The following MIOS variants were observed in gnomAD, a reference collection of about 807,000 sequenced individuals.
The protein encoded by MIOS is GATOR2 complex protein MIOS.
Under a neutral mutation model 96.9 loss-of-function variants are expected in MIOS, and 52 were observed. The observed-to-expected ratio is 0.54, with a 90% CI of 0.43 to 0.68. The LOEUF is 0.68. Among genes scored for constraint, MIOS ranks in the 30% least tolerant of loss-of-function variants. The pLI is 0.00. For missense variants in MIOS, 1,005 were observed against 1,052.8 expected (o/e 0.95, Z 0.63); for synonymous variants, 397 against 359.5 (o/e 1.10, Z -1.18).
In MIOS at chr7:7,595,010, A is replaced by G; in HGVS notation, c.2074A>G (p.Arg692Gly). 6.2e-7 allele frequency: 1 copy of G among 1,607,206 alleles called. No individual in the cohort carries two copies. Among genetic ancestry groups the G allele is most frequent in the Non-Finnish European group, 8.5e-7 (1 of 1,177,802 alleles). ...ACCTTTAGATGTTCTTAAAGATGAA[A>G]GGGTTCAGTACTGGATTGAGAATTA... Reference protein sequence around the residue: ...GSPLDVLKDERVQYWIENYRN... With the variant: ...GSPLDVLKDEGVQYWIENYRN... The change falls in exon 10 of 13, where the codon AGG (arginine) becomes GGG (glycine). Residue 692 changes from arginine to glycine, a missense_variant. Coordinates refer to ENST00000340080, the MANE Select transcript of MIOS (RefSeq NM_019005.4).
intron 5 of MIOS, among the ~76,000 whole-genome samples, chr7:7,580,170 C>T (rs1783666344): frequency 6.6e-6 from 1 of 152,176 alleles, no homozygotes; most frequent in African/African-American, 2.4e-5. Context: ...GCATTCTGCC[C>T]TGACAATTTA....
At chr7:7,584,301 A>G (rs570680638) in intron 6 of MIOS, among the ~76,000 whole-genome samples, 84 of 152,300 alleles carry the variant, frequency 5.5e-4, no homozygotes, top group Non-Finnish European at 9.7e-4. Context: ...GATGATGGAA[A>G]AAAGAATTGA....
chr7:7,601,851 A>G (rs1019623344), intron 11 of MIOS, among the ~76,000 whole-genome samples: 11 of 152,134 alleles, frequency 7.2e-5, no homozygotes, highest in African/African-American at 2.2e-4. Flanking sequence ...AAATCCAGCA[A>G]CACATCAAAA....
rs548448444 is a variant in MIOS at position 7,583,356 on chromosome 7, G to A, written c.1632G>A (p.Gly544=). ...GAGCAATCCAAATCCTGAATGAAGG[G>A]GCATCTTCTGAAAAAGGTATTAGGT... is the stretch of plus-strand genomic sequence containing the variant. ...IRRAIQILNE[G]ASSEKGDLNL... The change falls in exon 6 of 13, where the codon GGG becomes GGA. Residue 544 remains glycine (G), a synonymous_variant. Transcript: ENST00000340080. 199 of 1,603,896 alleles carry A rather than the reference G, an allele frequency of 1.2e-4. No homozygotes were observed. Among genetic ancestry groups the A allele is most frequent in the Non-Finnish European group, 2.6e-6 (3 of 1,173,986 alleles).
At chr7:7,603,662 C>A (rs1292211429) in intron 11 of MIOS, among the ~76,000 whole-genome samples, 1 of 152,162 alleles carries the variant, frequency 6.6e-6, no homozygotes. Flanking sequence ...GGCGATTCCT[C>A]AGGGATCTAG....
intron 11 of MIOS, chr7:7,605,592 G>GC (rs1425793331): frequency 5.4e-6 from 1 of 185,530 alleles, no homozygotes; most frequent in African/African-American, 2.4e-5. Context: ...ATCACACCCA[G>GC]CCCTACCTGT....
chr7:7,601,813 A>G (rs1333435589), intron 11 of MIOS, among the ~76,000 whole-genome samples: 4 of 152,222 alleles, frequency 2.6e-5, no homozygotes, highest in Non-Finnish European at 4.4e-5. Context: ...CATTGATGCA[A>G]AAATCCTCAA....
chr7:7,585,373 CTT>C (rs1783851129), intron 6 of MIOS, among the ~76,000 whole-genome samples: 1 of 148,134 alleles, frequency 6.8e-6, no homozygotes, highest in Non-Finnish European at 1.5e-5. Context: ...TGCTTATTGT[CTT>C]TGCCAAATTT....
At chr7:7,580,603 A>G (rs1459704020) in intron 5 of MIOS, among the ~76,000 whole-genome samples, 2 of 152,166 alleles carry the variant, frequency 1.3e-5, no homozygotes, top group East Asian at 3.8e-4. Context: ...TAGACTTGCC[A>G]CAGCCTAAAA....
At position 7,605,480 on chromosome 7, in the gene MIOS, A is replaced by AGACG. The variant is rs538418540; in HGVS notation, c.2402-459_2402-456dup. ...CGGCCAATTTTTGTATTTTTAACAG[A>AGACG]GACGGAGTTTCACCATGTTGGCCAG... On this transcript the variant is annotated intron_variant, in intron 11 of 12. Coordinates refer to ENST00000340080, the MANE Select transcript of MIOS (RefSeq NM_019005.4). 270 of 152,806 alleles carry AGACG rather than the reference A, an allele frequency of 1.8e-3. 1 individual carries two copies. The highest frequency in any genetic ancestry group is 3.3e-3 in the Non-Finnish European group (224 of 68,452). 9.5% of individuals were successfully genotyped at this position (152,806 alleles called of 1,614,324 possible).
At position 7,573,828 on chromosome 7, in the gene MIOS, G is replaced by T; in HGVS notation, c.1294+59G>T. 6.9e-7 allele frequency: 1 copy of T among 1,453,448 alleles called. No homozygotes were observed. Among genetic ancestry groups the T allele is most frequent in the South Asian group, 1.4e-5 (1 of 72,426 alleles). The allele number at this position is 1,453,448 out of a possible 1,614,324, so 90.0% of individuals were successfully genotyped here. ...TCAGGTAGAAATGTTCTTGAAGTTT[G>T]CCAAAAGGTCAGTCTGTAAATATGC... On this transcript the variant is annotated intron_variant, in intron 4 of 12. Coordinates refer to ENST00000340080, the MANE Select transcript of MIOS (RefSeq NM_019005.4). The surrounding 1 kb of genome is among the most constrained non-coding windows in gnomAD (Gnocchi z 5.0).
chr7:7,589,812 C>G (rs1257039084), intron 9 of MIOS, among the ~76,000 whole-genome samples: 3 of 152,102 alleles, frequency 2.0e-5, no homozygotes, highest in African/African-American at 7.2e-5. Context: ...TTATGTAAAG[C>G]TCAAATTGAA....
chr7:7,581,455 AT>A (rs1306838593), intron 5 of MIOS, among the ~76,000 whole-genome samples: 1 of 152,178 alleles, frequency 6.6e-6, no homozygotes, highest in Non-Finnish European at 1.5e-5. Context: ...ATTTTCATTC[AT>A]TTACTATCTC....
chr7:7,592,584 G>C (rs1251107074), intron 9 of MIOS, among the ~76,000 whole-genome samples: 1 of 151,986 alleles, frequency 6.6e-6, no homozygotes, highest in Non-Finnish European at 1.5e-5. Flanking sequence ...TGGGAGCTCT[G>C]AGGTTATTTT....
intron 7 of MIOS, among the ~76,000 whole-genome samples, chr7:7,587,006 T>TG (rs1449404278): frequency 0.01 from 1,133 of 110,614 alleles, 10 homozygotes; most frequent in African/African-American, 0.035. Flanking sequence ...TTTTTTTTTT[T>TG]TTGTTGTTGT....
Position 7,567,080 on chromosome 7 carries a change from A to G in MIOS, c.-221+8A>G, listed in dbSNP as rs533754257. On this transcript the variant is annotated splice_region_variant and intron_variant, in intron 1 of 12. Transcript: ENST00000340080. ...GCCGCGCTGCCACCTCAGGTCAGTG[A>G]GCGCGACCCGGTTCGCGTCTCGACT... The G allele has an allele frequency of 6.6e-6, 1 of 151,474 alleles. No homozygotes were observed. Among genetic ancestry groups the G allele is most frequent in the South Asian group, 2.1e-4 (1 of 4,794 alleles). 9.4% of individuals were successfully genotyped at this position (151,474 alleles called of 1,614,324 possible).
chr7:7,605,883 A>G, intron 11 of MIOS, 59 bp from the exon 12 acceptor site: 1 of 1,484,936 alleles, frequency 6.7e-7, no homozygotes, highest in Non-Finnish European at 9.1e-7. Context: ...GCTTTTTGAA[A>G]GTAACTTTAA....
chr7:7,598,349 A>G (rs554164793), intron 11 of MIOS, among the ~76,000 whole-genome samples: 1 of 152,304 alleles, frequency 6.6e-6, no homozygotes, highest in East Asian at 1.9e-4. Context: ...TCATTACATT[A>G]ACATTTATGA....
chr7:7,603,694 C>T (rs1396193728), intron 11 of MIOS, among the ~76,000 whole-genome samples: 1 of 152,140 alleles, frequency 6.6e-6, no homozygotes, highest in South Asian at 2.1e-4. Flanking sequence ...CCATTTGACC[C>T]AGCCATTCTA....
Sources: allele counts gnomAD v4.1 joint callset (sites outside exome capture counted in the v4.1 genomes callset), GRCh38; gene constraint gnomAD v4.1.1; non-coding constraint Gnocchi (gnomAD v3.1); transcripts MANE v1.5; gene names NCBI Gene and HGNC (gene_info 2026-07-23, HGNC 2026-07-21).